Variants in SLC12A9 observed in about 807,000 individuals in gnomAD.
SLC12A9 encodes the protein solute carrier family 12 member 9.
SLC12A9 carries 55 observed loss-of-function variants against 66.0 expected under a neutral mutation model. That is an observed-to-expected ratio of 0.83 (90% CI 0.67 to 1.04). The LOEUF (loss-of-function observed/expected upper bound fraction) is 1.04, where lower values mean the gene tolerates loss of function less well. Ranked by LOEUF, SLC12A9 falls within the 50% of genes least tolerant of loss-of-function variation. SLC12A9 has a pLI of 0.00. For synonymous variants in SLC12A9, 577 were observed against 569.0 expected (o/e 1.01, Z -0.20); for missense variants, 1,061 against 1,241.9 (o/e 0.85, Z 2.19).
In SLC12A9 at chr7:100,858,871, T is replaced by C. The variant is rs1442456178; in HGVS notation, c.794T>C (p.Met265Thr). The C allele has an allele frequency of 1.2e-6, 2 of 1,614,192 alleles. No homozygotes were observed. The highest frequency in any genetic ancestry group is 2.2e-5 in the South Asian group (2 of 91,090). ...GAGGACTACACCACGGGAGCCGTGA[T>C]GAATTTTGCCAGCGTCTTTGCTGTC... ...YAEDYTTGAV[M>T]NFASVFAVLF... Residue 265 changes from methionine to threonine, a missense_variant, in exon 6 of 14, where the codon ATG becomes ACG. By Grantham distance (81) the Met-to-Thr change is moderately conservative. Coordinates refer to ENST00000354161, the MANE Select transcript of SLC12A9 (RefSeq NM_020246.4).
chr7:100,862,552 C>A (rs911267264), intron 12 of SLC12A9, 129 bp from the exon 13 acceptor site: 1 of 1,110,686 alleles, frequency 9.0e-7, no homozygotes. Flanking sequence ...GCCCCTCTGC[C>A]CCTTTTATCC....
intron 1 of SLC12A9, among the ~76,000 whole-genome samples, chr7:100,827,726 G>A (rs1368808822): frequency 6.6e-6 from 1 of 152,208 alleles, no homozygotes; most frequent in Non-Finnish European, 1.5e-5. Context: ...GAGGGGCGGC[G>A]GGTGAGGAAC....
intron 1 of SLC12A9, among the ~76,000 whole-genome samples, chr7:100,838,019 CCTGG>C: frequency 6.6e-6 from 1 of 152,090 alleles, no homozygotes; most frequent in Non-Finnish European, 1.5e-5. Flanking sequence ...CTCTACCATG[CCTGG>C]CTAATTTTTT....
chr7:100,860,814 C>T (rs1584703702), intron 9 of SLC12A9: 1 of 419,982 alleles, frequency 2.4e-6, no homozygotes, highest in East Asian at 5.8e-5. Flanking sequence ...TTCACTGGTA[C>T]TTTCCAGGGT....
At chr7:100,857,935 A>G (rs1484470249) in intron 5 of SLC12A9, 1 of 151,624 alleles carries the variant, frequency 6.6e-6, no homozygotes. Context: ...ACAAACAAAC[A>G]AAAAAAACAC....
At chr7:100,832,375 G>A (rs942197452) in intron 1 of SLC12A9, among the ~76,000 whole-genome samples, 1 of 152,086 alleles carries the variant, frequency 6.6e-6, no homozygotes, top group Admixed American at 6.6e-5. Context: ...AGCTGGGCGT[G>A]GTGGCATGTG....
At chr7:100,843,694 C>T (rs1436781339) in intron 1 of SLC12A9, among the ~76,000 whole-genome samples, 2 of 152,140 alleles carry the variant, frequency 1.3e-5, no homozygotes, top group African/African-American at 4.8e-5. Context: ...ATATAAAGTC[C>T]CCCCATGCTG....
At chr7:100,858,616 G>C in intron 5 of SLC12A9, 1 of 495,772 alleles carries the variant, frequency 2.0e-6, no homozygotes, top group Non-Finnish European at 3.6e-6. Flanking sequence ...AAATAAAAGA[G>C]CGTGGATTAG....
intron 1 of SLC12A9, among the ~76,000 whole-genome samples, chr7:100,840,499 AC>A (rs56065708): frequency 0.01 from 1,589 of 151,914 alleles, 11 homozygotes; most frequent in African/African-American, 0.023. Flanking sequence ...CTAGTTTTAG[AC>A]CCCCCGCCCC....
Position 100,866,411 on chromosome 7 carries a change from G to A in SLC12A9, c.2551G>A (p.Gly851Arg). 6.5e-7 allele frequency: 1 copy of A among 1,543,244 alleles called. No individual in the cohort carries two copies. Among genetic ancestry groups the A allele is most frequent in the East Asian group, 2.4e-5 (1 of 40,838 alleles). ...VRAQQGRGTG[G>R]GPGGPEGGDA... ...GGCCCAGCAGGGGCGCGGCACAGGA[G>A]GAGGGCCGGGTGGGCCGGAGGGTGG... is the stretch of plus-strand genomic sequence containing the variant. The change falls in exon 14 of 14, where the codon GGA becomes AGA. Residue 851 changes from glycine (G) to arginine (R), a missense_variant. By Grantham distance (125) the Gly-to-Arg change is moderately radical. Transcript: ENST00000354161. This position sits in a 1 kb window ranked among gnomAD's most constrained non-coding sequence, Gnocchi z 7.3.
intron 1 of SLC12A9, among the ~76,000 whole-genome samples, chr7:100,838,503 C>G (rs751200272): frequency 2.0e-5 from 3 of 152,106 alleles, no homozygotes; most frequent in African/African-American, 2.4e-5. Context: ...CACTTCTGAG[C>G]AGAGGAGATA....
intron 1 of SLC12A9, among the ~76,000 whole-genome samples, chr7:100,830,471 T>C (rs1813522948): frequency 6.6e-6 from 1 of 151,988 alleles, no homozygotes; most frequent in South Asian, 2.1e-4. Context: ...TCCAGGAGTT[T>C]GAGGGCAGCC....
At chr7:100,845,644 C>T (rs776654098) in intron 1 of SLC12A9, among the ~76,000 whole-genome samples, 21 of 152,222 alleles carry the variant, frequency 1.4e-4, no homozygotes, top group African/African-American at 1.9e-4. Context: ...CCACCACGCC[C>T]GGCCTATTGG....
chr7:100,853,627 C>T (rs1315623312), intron 1 of SLC12A9, among the ~76,000 whole-genome samples: 1 of 149,062 alleles, frequency 6.7e-6, no homozygotes, highest in Non-Finnish European at 1.5e-5. Context: ...GTGGCATGAT[C>T]TCGGCTCGCT....
rs1196572815 is a variant in SLC12A9 at position 100,866,812 on chromosome 7, G to A, written c.*207G>A. On this transcript the variant is annotated 3_prime_UTR_variant, in exon 14 of 14. Transcript: ENST00000354161. This position sits in a 1 kb window ranked among gnomAD's most constrained non-coding sequence, Gnocchi z 7.3. ...CCCAGCACACTAACTCTGGGTGGCT[G>A]TCCCCACCGTGCAGGGGAGGGAGTC... The A allele has an allele frequency of 5.9e-6, 3 of 512,228 alleles. No individual in the cohort carries two copies. Among genetic ancestry groups the A allele is most frequent in the Non-Finnish European group, 1.0e-5 (3 of 299,076 alleles). 31.7% of individuals were successfully genotyped at this position (512,228 alleles called of 1,614,324 possible).
chr7:100,857,054 TG>T lies in SLC12A9; in HGVS notation c.637del (p.Ala213LeufsTer9). The T allele has an allele frequency of 6.2e-7, 1 of 1,614,218 alleles. No individual in the cohort carries two copies. Among genetic ancestry groups the T allele is most frequent in the Non-Finnish European group, 8.5e-7 (1 of 1,180,032 alleles). On this transcript the variant is annotated frameshift_variant, in exon 5 of 14. Coordinates refer to ENST00000354161, the MANE Select transcript of SLC12A9 (RefSeq NM_020246.4). LOFTEE classifies it high-confidence loss of function. ...CTGGCCTCTGTGCTCATCAGTTTTGTGGCTGTGGGGCCGAGGGACATCCGCT... is the reference window on the plus strand; with the variant it reads ...CTGGCCTCTGTGCTCATCAGTTTTGTGCTGTGGGGCCGAGGGACATCCGCT... ...GSLASVLISF[V>X]AVGPRDIRLT...
At chr7:100,860,082 C>T (rs769477289) in intron 8 of SLC12A9, 40 bp downstream of exon 8, 1 of 1,614,202 alleles carries the variant, frequency 6.2e-7, no homozygotes, top group Admixed American at 1.7e-5. Flanking sequence ...AGCACGCCCT[C>T]CCTTGTCTGT....
In SLC12A9 at chr7:100,860,164, C is replaced by T. The variant is rs778883666; in HGVS notation, c.1150C>T (p.Pro384Ser). Residue 384 changes from proline to serine, a missense_variant, in exon 9 of 14, where the codon CCG (proline) becomes TCG (serine). Coordinates refer to ENST00000354161, the MANE Select transcript of SLC12A9 (RefSeq NM_020246.4). The stretch of plus-strand genomic sequence containing the variant: ...TGTTTTTCTAGGCGTGATCTTGGCA[C>T]CGGCCAAGGTTGTGTCCCGAGGGGG... ...RDDLFGVILA[P>S]AKVVSRGGNP... The T allele has an allele frequency of 5.0e-6, 8 of 1,614,210 alleles. No individual in the cohort carries two copies. Among genetic ancestry groups the T allele is most frequent in the East Asian group, 2.2e-5 (1 of 44,882 alleles).
At chr7:100,838,462 G>A (rs1239435230) in intron 1 of SLC12A9, among the ~76,000 whole-genome samples, 1 of 152,206 alleles carries the variant, frequency 6.6e-6, no homozygotes, top group East Asian at 1.9e-4. Context: ...CCACATTACA[G>A]GCATGGGCCA....
Sources: gnomAD v4.1 joint callset for allele counts (sites outside exome capture counted in the v4.1 genomes callset) on GRCh38, gnomAD v4.1.1 for gene constraint, Gnocchi (gnomAD v3.1) non-coding constraint, MANE v1.5 for transcripts, NCBI Gene and HGNC (gene_info 2026-07-23, HGNC 2026-07-21) for gene names.